NBAS: variants seen among roughly 807,000 people sequenced by gnomAD.
The protein encoded by NBAS is NBAS subunit of NRZ tethering complex, also known as NAG/BC035112 fusion.
NBAS carries 219 observed loss-of-function variants against 302.5 expected under a neutral mutation model. The observed-to-expected ratio is 0.72, with a 90% CI of 0.65 to 0.81. The LOEUF is 0.81. Ranked by LOEUF, NBAS falls within the 30% of genes least tolerant of loss-of-function variation. NBAS has a pLI of 0.00. For synonymous variants in NBAS, 1,118 were observed against 1,021.6 expected, an observed-to-expected ratio of 1.09 and a Z score of -1.80; for missense variants, 2,932 against 2,841.6, an observed-to-expected ratio of 1.03 and a Z score of -0.72.
At chr2:14,918,852 G>A in the NBAS span, among the ~76,000 whole-genome samples, 1 of 152,172 alleles carries the variant, frequency 6.6e-6, no homozygotes, top group Non-Finnish European at 1.5e-5. Context: ...GTGTGGGGAG[G>A]AGAAATGTCA....
rs1667717060 is a variant in NBAS at position 15,238,647 on chromosome 2, T to C, written c.5764A>G (p.Ile1922Val). The change falls in exon 45 of 52, where the codon ATT (isoleucine) becomes GTT (valine). Residue 1922 changes from isoleucine (I) to valine (V), a missense_variant. Physicochemically the swap from Ile to Val is conservative, Grantham distance 29. Coordinates refer to ENST00000281513, the MANE Select transcript of NBAS (RefSeq NM_015909.4). ...TCAATAAAATGTTTGACTGTCTTAA[T>C]AGCCTTTCTAGTCATCTCTTTACGG... ...EARKEMTRKAIKTVKHFIEKP... is the reference protein window; with the variant it reads ...EARKEMTRKAVKTVKHFIEKP... 15 of 1,612,988 alleles carry C rather than the reference T, an allele frequency of 9.3e-6. No homozygotes were observed. Among genetic ancestry groups the C allele is most frequent in the Admixed American group, 1.7e-5 (1 of 59,748 alleles).
At chr2:15,542,659 A>G (rs542628403) in intron 6 of NBAS, among the ~76,000 whole-genome samples, 4 of 144,790 alleles carry the variant, frequency 2.8e-5, no homozygotes, top group Non-Finnish European at 6.0e-5. Context: ...TAAAAAAAAT[A>G]AAAAAAAAAT....
intron 44 of NBAS, among the ~76,000 whole-genome samples, chr2:15,252,939 G>GA (rs940746424): frequency 2.0e-5 from 3 of 151,806 alleles, no homozygotes; most frequent in African/African-American, 4.8e-5. Flanking sequence ...GGTACACCAA[G>GA]AAAAAAAATT....
chr2:15,266,099 T>C (rs922752799), intron 44 of NBAS, among the ~76,000 whole-genome samples: 3 of 152,112 alleles, frequency 2.0e-5, no homozygotes, highest in African/African-American at 7.2e-5. Context: ...GATCTGATGG[T>C]TTTAGAAGGG....
chr2:15,071,847 T>C, the NBAS span, among the ~76,000 whole-genome samples: 1 of 152,070 alleles, frequency 6.6e-6, no homozygotes, highest in Non-Finnish European at 1.5e-5. Context: ...GTGAGAACAA[T>C]GTATCTACAC....
the NBAS span, among the ~76,000 whole-genome samples, chr2:14,872,861 C>T: frequency 7.4e-3 from 1,120 of 152,004 alleles, 6 homozygotes; most frequent in Middle Eastern, 0.017. Flanking sequence ...CTCTTAAAGG[C>T]GGCGCCTCCG....
intron 44 of NBAS, among the ~76,000 whole-genome samples, chr2:15,261,222 T>C (rs1260330218): frequency 1.3e-5 from 2 of 152,256 alleles, no homozygotes; most frequent in Non-Finnish European, 2.9e-5. Flanking sequence ...TGTGCTTTTA[T>C]GGTGTACACT....
chr2:15,394,010 AAACTTTCAG>A (rs1558299378), intron 28 of NBAS, among the ~76,000 whole-genome samples: 1 of 152,140 alleles, frequency 6.6e-6, no homozygotes, highest in Non-Finnish European at 1.5e-5. Flanking sequence ...AGTAATCAAA[AAACTTTCAG>A]GGGTACTGGA....
chr2:15,308,204 A>G lies in NBAS; in HGVS notation c.4797+12T>C. The G allele has an allele frequency of 6.2e-7, 1 of 1,614,184 alleles. No homozygotes were observed. Among genetic ancestry groups the G allele is most frequent in the Non-Finnish European group, 8.5e-7 (1 of 1,180,012 alleles). On this transcript the variant is annotated intron_variant, in intron 40 of 51. Transcript: ENST00000281513. ...TCTGCTCAATAATAAGCTGGAAATCATGAAGACTCACCCTGTAAAGAGGAT... is the reference window on the plus strand; with the variant it reads ...TCTGCTCAATAATAAGCTGGAAATCGTGAAGACTCACCCTGTAAAGAGGAT...
the NBAS span, among the ~76,000 whole-genome samples, chr2:14,995,212 G>C: frequency 4.0e-5 from 6 of 150,984 alleles, no homozygotes; most frequent in South Asian, 2.1e-4. Flanking sequence ...CCTCCCCCCT[G>C]CCCCCACTCC....
the NBAS span, among the ~76,000 whole-genome samples, chr2:14,960,488 C>T: frequency 2.7e-4 from 41 of 152,286 alleles, no homozygotes; most frequent in African/African-American, 9.6e-4. Context: ...TTCTAATTCT[C>T]ACAATATCGC....
At chr2:14,954,250 A>G in the NBAS span, among the ~76,000 whole-genome samples, 22,379 of 152,224 alleles carry the variant, frequency 0.15, 1,829 homozygotes, top group African/African-American at 0.2. Flanking sequence ...AAATGAATTA[A>G]TTGAGGTCTG....
chr2:15,159,880 G>C, the NBAS span, among the ~76,000 whole-genome samples: 2 of 151,832 alleles, frequency 1.3e-5, no homozygotes, highest in Non-Finnish European at 2.9e-5. Context: ...AGAAACCATG[G>C]CTTCAAGTCT....
intron 15 of NBAS, 47 bp from the exon 16 acceptor site, chr2:15,473,394 C>G (rs376511939): frequency 1.2e-6 from 2 of 1,605,636 alleles, no homozygotes; most frequent in South Asian, 2.2e-5. Flanking sequence ...ACTGAATTAT[C>G]CACAGGGTCC....
intron 48 of NBAS, among the ~76,000 whole-genome samples, chr2:15,216,661 A>C (rs1242393354): frequency 6.6e-6 from 1 of 152,180 alleles, no homozygotes; most frequent in East Asian, 1.9e-4. Context: ...ACATCGACAA[A>C]AGCTTAAAGG....
At position 15,366,613 on chromosome 2, in the gene NBAS, G is replaced by C; in HGVS notation, c.3784C>G (p.Leu1262Val). The C allele has an allele frequency of 6.2e-7, 1 of 1,614,088 alleles. No individual in the cohort carries two copies. Among genetic ancestry groups the C allele is most frequent in the Non-Finnish European group, 8.5e-7 (1 of 1,179,970 alleles). Residue 1262 changes from leucine (L) to valine (V), a missense_variant, in exon 32 of 52, where the codon CTT becomes GTT. By Grantham distance (32) the Leu-to-Val change is conservative. Transcript: ENST00000281513. ...SPTCYKQSTK[L>V]LGLAELLRVA... Reference sequence around the variant, plus strand: ...CTCAGCAGCTCAGCAAGGCCCAGAAGCTTGGTGGATTGTTTATAGCATGTG... The same window carrying C: ...CTCAGCAGCTCAGCAAGGCCCAGAACCTTGGTGGATTGTTTATAGCATGTG...
At chr2:15,482,866 T>C (rs959374465) in intron 12 of NBAS, among the ~76,000 whole-genome samples, 1 of 152,202 alleles carries the variant, frequency 6.6e-6, no homozygotes, top group Non-Finnish European at 1.5e-5. Context: ...TCTTTTGTTA[T>C]AGGACTGTCA....
the NBAS span, among the ~76,000 whole-genome samples, chr2:14,825,284 A>G: frequency 6.6e-6 from 1 of 152,170 alleles, no homozygotes; most frequent in Non-Finnish European, 1.5e-5. Flanking sequence ...TTCCTCTTGG[A>G]ATAGAATAGA....
chr2:15,051,714 A>G, the NBAS span, among the ~76,000 whole-genome samples: 1 of 152,244 alleles, frequency 6.6e-6, no homozygotes, highest in Admixed American at 6.5e-5. Context: ...TAAAGCACCT[A>G]TATTTGTCTC....
Sources: gnomAD v4.1 joint callset for allele counts (sites outside exome capture counted in the v4.1 genomes callset) on GRCh38, gnomAD v4.1.1 for gene constraint, MANE v1.5 for transcripts, NCBI Gene and HGNC (gene_info 2026-07-23, HGNC 2026-07-21) for gene names.